Variants in CDH12 observed in about 807,000 individuals in gnomAD.
The protein encoded by CDH12 is cadherin 12.
A neutral mutation model predicts 74.1 loss-of-function variants in CDH12; 41 were observed. That is an observed-to-expected ratio of 0.55 (90% CI 0.43 to 0.72). The LOEUF (loss-of-function observed/expected upper bound fraction) is 0.72, where lower values mean the gene tolerates loss of function less well. Ranked by LOEUF, CDH12 falls within the 30% of genes least tolerant of loss-of-function variation. The probability of loss-of-function intolerance (pLI) is 0.00; values close to 1 mark genes in which losing one functional copy is unlikely to be tolerated. For missense variants in CDH12, 945 were observed against 977.2 expected (o/e 0.97, Z 0.44); for synonymous variants, 399 against 355.0 (o/e 1.12, Z -1.39).
intron 8 of CDH12, among the ~76,000 whole-genome samples, chr5:21,819,882 G>C (rs948753719): frequency 2.0e-5 from 3 of 151,932 alleles, no homozygotes; most frequent in Non-Finnish European, 2.9e-5. Context: ...GGACATTTCT[G>C]TTTATTCCAT....
intron 2 of CDH12, among the ~76,000 whole-genome samples, chr5:22,426,898 C>T (rs1444080774): frequency 2.6e-5 from 4 of 152,102 alleles, no homozygotes; most frequent in Non-Finnish European, 5.9e-5. Flanking sequence ...TTTCACAGAA[C>T]AAAATGTTTT....
intron 3 of CDH12, among the ~76,000 whole-genome samples, chr5:22,287,794 C>A (rs1252768670): frequency 6.7e-6 from 1 of 150,340 alleles, no homozygotes; most frequent in African/African-American, 2.4e-5. Flanking sequence ...ATATAAAAAT[C>A]AATTAGATGT....
intron 5 of CDH12, among the ~76,000 whole-genome samples, chr5:22,034,287 G>C (rs1015657584): frequency 6.6e-6 from 1 of 152,122 alleles, no homozygotes; most frequent in Non-Finnish European, 1.5e-5. Flanking sequence ...TGCCCACCTC[G>C]GCCTCCCAGC....
At chr5:22,691,404 T>C (rs1292662402) in intron 1 of CDH12, among the ~76,000 whole-genome samples, 3 of 152,218 alleles carry the variant, frequency 2.0e-5, no homozygotes, top group Non-Finnish European at 4.4e-5. Flanking sequence ...AATTGGAGAT[T>C]TGGGACTAGG....
rs554195732 is a variant in CDH12, at chr5:22,024,483, G to C, written c.232-49098C>G. Among the ~76,000 whole-genome samples the C allele has an allele frequency of 3.3e-5, 5 of 151,938 alleles. No homozygotes were observed. In the South Asian group the frequency reaches 8.3e-4, roughly 25 times the overall value. The stretch of plus-strand genomic sequence containing the variant: ...AACTTGAAGTATCATCATGCATAAA[G>C]GTAAATTTACTTTATTTATCTATCT... On this transcript the variant is annotated intron_variant, in intron 5 of 14. Transcript: ENST00000382254.
chr5:22,023,681 T>C lies in CDH12; in HGVS notation c.232-48296A>G, dbSNP rs1424500149. Among the ~76,000 whole-genome samples the C allele has an allele frequency of 2.6e-5, 4 of 151,974 alleles. No homozygotes were observed. The East Asian group carries it at 5.8e-4, about 22-fold the overall frequency. On this transcript the variant is annotated intron_variant, in intron 5 of 14. Transcript: ENST00000382254. Reference sequence around the variant, plus strand: ...GACTGGTATCAAAGTAGAGGCAAATTTACTGTAAAGATAAAAAATGTGTTC... The same window carrying C: ...GACTGGTATCAAAGTAGAGGCAAATCTACTGTAAAGATAAAAAATGTGTTC...
intron 1 of CDH12, among the ~76,000 whole-genome samples, chr5:22,697,194 G>C (rs1269011318): frequency 6.6e-6 from 1 of 152,114 alleles, no homozygotes; most frequent in Non-Finnish European, 1.5e-5. Context: ...TTATAGAGAA[G>C]GGATGATTTC....
chr5:22,332,406 A>G (rs1739388198), intron 3 of CDH12, among the ~76,000 whole-genome samples: 1 of 152,216 alleles, frequency 6.6e-6, no homozygotes, highest in Admixed American at 6.5e-5. Flanking sequence ...TAGTATGTTC[A>G]GCAAAAATAT....
At chr5:22,089,042 G>T (rs115893033) in intron 4 of CDH12, among the ~76,000 whole-genome samples, 3 of 152,124 alleles carry the variant, frequency 2.0e-5, no homozygotes, top group South Asian at 2.1e-4. Context: ...AACTGGCTAC[G>T]GGGGCTTACA....
chr5:21,801,134 A>T (rs1035524887), intron 10 of CDH12, among the ~76,000 whole-genome samples: 1 of 152,162 alleles, frequency 6.6e-6, no homozygotes, highest in Non-Finnish European at 1.5e-5. Context: ...CAAGTTACGT[A>T]TGCTGTCAAG....
intron 1 of CDH12, among the ~76,000 whole-genome samples, chr5:22,691,997 C>T (rs1164925721): frequency 6.6e-6 from 1 of 152,140 alleles, no homozygotes; most frequent in Non-Finnish European, 1.5e-5. Flanking sequence ...GGATATTTGT[C>T]CCCTCCACAT....
intron 5 of CDH12, among the ~76,000 whole-genome samples, chr5:22,041,867 T>C (rs1203365143): frequency 6.6e-6 from 1 of 152,132 alleles, no homozygotes; most frequent in Non-Finnish European, 1.5e-5. Flanking sequence ...TCTTCTCCCA[T>C]GCACATGAAA....
chr5:21,948,634 A>T (rs1484397330), intron 6 of CDH12, among the ~76,000 whole-genome samples: 1 of 152,018 alleles, frequency 6.6e-6, no homozygotes, highest in African/African-American at 2.4e-5. Flanking sequence ...AAATGATTTA[A>T]GACTCTGGGG....
chr5:22,435,981 C>A (rs561755959), intron 2 of CDH12, among the ~76,000 whole-genome samples: 2 of 151,810 alleles, frequency 1.3e-5, no homozygotes, highest in East Asian at 3.9e-4. Flanking sequence ...ATGTTTATTG[C>A]AGCACTACTC....
chr5:22,473,672 G>C (rs1746056365), intron 2 of CDH12, among the ~76,000 whole-genome samples: 1 of 152,036 alleles, frequency 6.6e-6, no homozygotes, highest in South Asian at 2.1e-4. Flanking sequence ...AGTTTTAAAA[G>C]GTAAGTAAAG....
intron 5 of CDH12, among the ~76,000 whole-genome samples, chr5:22,032,354 A>G (rs1738875036): frequency 6.6e-6 from 1 of 152,136 alleles, no homozygotes. Context: ...TTCCATTTTG[A>G]GAAAGGCATT....
chr5:22,074,936 T>C (rs894936053), intron 5 of CDH12, among the ~76,000 whole-genome samples: 3 of 151,960 alleles, frequency 2.0e-5, no homozygotes, highest in Admixed American at 2.0e-4. Context: ...GAAATACCAT[T>C]TGATCCAGCC....
chr5:21,858,108 G>T (rs1374007294), intron 6 of CDH12, among the ~76,000 whole-genome samples: 4 of 151,558 alleles, frequency 2.6e-5, no homozygotes, highest in Non-Finnish European at 5.9e-5. Flanking sequence ...ACCTGAAAGG[G>T]TCTATCTCCA....
chr5:22,354,748 G>T (rs550979562), intron 3 of CDH12, among the ~76,000 whole-genome samples: 1 of 152,216 alleles, frequency 6.6e-6, no homozygotes, highest in South Asian at 2.1e-4. Flanking sequence ...AGAAAGAGGT[G>T]ACCACGGTTG....
Sources: gnomAD v4.1 joint callset for allele counts (sites outside exome capture counted in the v4.1 genomes callset) on GRCh38, gnomAD v4.1.1 for gene constraint, MANE v1.5 for transcripts, NCBI Gene and HGNC (gene_info 2026-07-23, HGNC 2026-07-21) for gene names.